Variants in GABRA3 observed in about 807,000 individuals in gnomAD.
GABRA3 encodes gamma-aminobutyric acid receptor subunit alpha-3.
Under a neutral mutation model 30.1 loss-of-function variants are expected in GABRA3, and 10 were observed. That is an observed-to-expected ratio of 0.33 (90% CI 0.20 to 0.56). The LOEUF (loss-of-function observed/expected upper bound fraction) is 0.56, where lower values mean the gene tolerates loss of function less well. Ranked by LOEUF, GABRA3 falls within the 20% of genes least tolerant of loss-of-function variation. The pLI, the probability that GABRA3 is intolerant of heterozygous loss-of-function variation, is 0.89. For synonymous variants in GABRA3, 151 were observed against 146.8 expected (o/e 1.03, Z -0.21); for missense variants, 233 against 392.0 (o/e 0.59, Z 3.42).
At chrX:152,194,351 T>C (rs1391193299) in intron 8 of GABRA3, among the ~76,000 whole-genome samples, 2 of 112,256 alleles carry the variant, frequency 1.8e-5, no homozygotes, top group Non-Finnish European at 3.8e-5. Flanking sequence ...ATTTTAAAAA[T>C]TGGATTCTTT....
At chrX:152,217,594 C>G (rs370854669) in intron 6 of GABRA3, among the ~76,000 whole-genome samples, 1 of 111,436 alleles carries the variant, frequency 9.0e-6, no homozygotes, top group East Asian at 2.8e-4. Flanking sequence ...AGCCTTAGAT[C>G]TAATGGTGGG....
chrX:152,408,035 A>G (rs1569419230), intron 1 of GABRA3, among the ~76,000 whole-genome samples: 1 of 111,622 alleles, frequency 9.0e-6, no homozygotes, highest in Admixed American at 9.5e-5. Flanking sequence ...TCCCTTCATG[A>G]CAAAAACTCT....
At chrX:152,339,069 C>T (rs997536223) in intron 3 of GABRA3, among the ~76,000 whole-genome samples, 1 of 110,156 alleles carries the variant, frequency 9.1e-6, no homozygotes, top group African/African-American at 3.3e-5. Context: ...CTATGAAGAA[C>T]GTCTTTGGTA....
intron 4 of GABRA3, among the ~76,000 whole-genome samples, chrX:152,268,259 C>T (rs1031265174): frequency 6.3e-5 from 7 of 111,765 alleles, no homozygotes; most frequent in African/African-American, 2.3e-4. Context: ...CAAATCTCAC[C>T]TTCAATTGTA....
chrX:152,299,989 G>T (rs1344091569), intron 3 of GABRA3, among the ~76,000 whole-genome samples: 1 of 112,169 alleles, frequency 8.9e-6, no homozygotes, highest in South Asian at 3.7e-4. Flanking sequence ...CAGAGAGTGT[G>T]GGGGAATACC....
intron 5 of GABRA3, among the ~76,000 whole-genome samples, chrX:152,232,932 T>C (rs1385973530): frequency 9.0e-6 from 1 of 111,095 alleles, no homozygotes; most frequent in Non-Finnish European, 1.9e-5. Flanking sequence ...AATTCCCAAC[T>C]GTGTGTAAGC....
At chrX:152,440,705 C>A (rs1404024242) in intron 1 of GABRA3, among the ~76,000 whole-genome samples, 1 of 111,858 alleles carries the variant, frequency 8.9e-6, no homozygotes, top group East Asian at 2.8e-4. Context: ...GAGTTCATGT[C>A]CTTTGCAGGA....
Position 152,168,279 on chromosome X carries a change from G to A in GABRA3, c.1428C>T (p.Ala476=). 8.3e-7 allele frequency: 1 copy of A among 1,211,415 alleles called. No homozygotes were observed. Among genetic ancestry groups the A allele is most frequent in the Non-Finnish European group, 1.1e-6 (1 of 895,273 alleles). ...LFAIFNLVYW[A]TYVNRESAIK... ...TAGCTGACTCCCGGTTGACATATGT[G>A]GCCCAATAGACCAGATTGAATATGG... The change falls in exon 10 of 10, where the codon GCC becomes GCT. Residue 476 remains alanine (A), a synonymous_variant. Coordinates refer to ENST00000370314, the MANE Select transcript of GABRA3 (RefSeq NM_000808.4).
chrX:152,286,418 C>T (rs1429368015), intron 3 of GABRA3, among the ~76,000 whole-genome samples: 1 of 110,496 alleles, frequency 9.1e-6, no homozygotes, highest in East Asian at 2.9e-4. Context: ...ACAAGTCTCA[C>T]TCCAGCCCAG....
In GABRA3 at chrX:152,451,185, T is replaced by G. The variant is rs1273859204; in HGVS notation, c.-66A>C. ...TGAGCGGAAAGGAGAGAAGGATGAA[T>G]GAACTGAAACAAGTTGGAGGTTGAG... is the stretch of plus-strand genomic sequence containing the variant. On this transcript the variant is annotated 5_prime_UTR_variant, in exon 1 of 10. Coordinates refer to ENST00000370314, the MANE Select transcript of GABRA3 (RefSeq NM_000808.4). The G allele has an allele frequency of 8.9e-6, 1 of 112,251 alleles. No homozygotes were observed. The highest frequency in any genetic ancestry group is 1.9e-5 in the Non-Finnish European group (1 of 53,250). The allele number at this position is 112,251 out of a possible 1,213,427, so 9.3% of individuals were successfully genotyped here.
chrX:152,190,825 T>C (rs1260160096), intron 8 of GABRA3, among the ~76,000 whole-genome samples: 1 of 109,665 alleles, frequency 9.1e-6, no homozygotes, highest in Non-Finnish European at 1.9e-5. Context: ...ATTTAAATTA[T>C]ATTTTACATT....
In GABRA3 at chrX:152,225,137, C is replaced by CT. The variant is rs984813966; in HGVS notation, c.552-293_552-292insA. Among the ~76,000 whole-genome samples, 14 of 109,801 alleles carry CT rather than the reference C, an allele frequency of 1.3e-4. No homozygotes were observed. In the East Asian group the frequency reaches 3.8e-3, roughly 30 times the overall value. ...AACTGTACTTCCTTAGACACCCCCCCCAAGAAGCCTGGAAACACCAGGTTC... is the reference window on the plus strand; with the variant it reads ...AACTGTACTTCCTTAGACACCCCCCCTCAAGAAGCCTGGAAACACCAGGTTC... On this transcript the variant is annotated intron_variant, in intron 5 of 9. Transcript: ENST00000370314.
intron 4 of GABRA3, among the ~76,000 whole-genome samples, chrX:152,268,516 C>T (rs1938869865): frequency 8.9e-6 from 1 of 112,162 alleles, no homozygotes; most frequent in Non-Finnish European, 1.9e-5. Flanking sequence ...AACCTCTTTC[C>T]TTTATAAATT....
chrX:152,293,185 T>G (rs781653357), intron 3 of GABRA3, among the ~76,000 whole-genome samples: 1 of 111,251 alleles, frequency 9.0e-6, no homozygotes, highest in Non-Finnish European at 1.9e-5. Context: ...TGTGAGAGTC[T>G]AAGTCTCTTT....
chrX:152,392,875 C>T (rs1405842674), intron 1 of GABRA3, among the ~76,000 whole-genome samples: 2 of 112,046 alleles, frequency 1.8e-5, no homozygotes, highest in South Asian at 3.7e-4. Context: ...GTGGTGCTTA[C>T]TTAGACAGAT....
At chrX:152,355,316 C>T (rs774050851) in intron 2 of GABRA3, among the ~76,000 whole-genome samples, 29 of 111,761 alleles carry the variant, frequency 2.6e-4, no homozygotes, top group African/African-American at 9.1e-4. Context: ...CCACCCCGTT[C>T]TCCTTTCTAG....
At chrX:152,177,597 A>G (rs1211170254) in intron 9 of GABRA3, among the ~76,000 whole-genome samples, 1 of 111,496 alleles carries the variant, frequency 9.0e-6, no homozygotes, top group Non-Finnish European at 1.9e-5. Context: ...AAACAAAAAC[A>G]AAACACTAGA....
At chrX:152,409,996 T>A (rs775780878) in intron 1 of GABRA3, among the ~76,000 whole-genome samples, 4 of 112,467 alleles carry the variant, frequency 3.6e-5, no homozygotes, top group African/African-American at 1.3e-4. Context: ...AAAGGAAATG[T>A]GGGACATATA....
intron 1 of GABRA3, among the ~76,000 whole-genome samples, chrX:152,375,436 T>G (rs944203557): frequency 4.5e-5 from 5 of 112,350 alleles, no homozygotes; most frequent in African/African-American, 1.6e-4. Flanking sequence ...TTTGACCTTA[T>G]TCTGTTATTC....
Sources: gnomAD v4.1 joint callset for allele counts (sites outside exome capture counted in the v4.1 genomes callset) on GRCh38, gnomAD v4.1.1 for gene constraint, MANE v1.5 for transcripts, NCBI Gene and HGNC (gene_info 2026-07-23, HGNC 2026-07-21) for gene names.